The following PCDHA6 variants were observed in gnomAD, a reference collection of about 807,000 sequenced individuals.
The protein encoded by PCDHA6 is protocadherin alpha 6, also known as protocadherin alpha-6.
A neutral mutation model predicts 60.3 loss-of-function variants in PCDHA6; 55 were observed. The ratio of observed to expected loss-of-function variants is 0.91; its 90% CI spans 0.73 to 1.14. The LOEUF (loss-of-function observed/expected upper bound fraction) is 1.14. PCDHA6 is among the 50% of genes most tolerant of loss of function. The pLI is 0.00. For missense variants in PCDHA6, 1,327 were observed against 1,256.5 expected (o/e 1.06, Z -0.85); for synonymous variants, 652 against 557.9 (o/e 1.17, Z -2.38).
intron 1 of PCDHA6, among the ~76,000 whole-genome samples, chr5:140,871,781 T>C (rs2053304252): frequency 6.6e-6 from 1 of 152,238 alleles, no homozygotes. Flanking sequence ...CTGTAGTCAC[T>C]TGAGTAGAAA....
intron 1 of PCDHA6, among the ~76,000 whole-genome samples, chr5:140,888,210 T>C (rs1395913579): frequency 6.6e-6 from 1 of 152,082 alleles, no homozygotes; most frequent in East Asian, 1.9e-4. Flanking sequence ...ATGCTGGATT[T>C]TGTGTGTGTG....
intron 1 of PCDHA6, chr5:140,884,136 G>A (rs371124724): frequency 1.2e-6 from 2 of 1,613,282 alleles, no homozygotes; most frequent in Non-Finnish European, 1.7e-6. Flanking sequence ...ATCCCGTTCC[G>A]CGTGGGGCTG....
chr5:140,843,692 T>C, intron 1 of PCDHA6: 2 of 1,586,786 alleles, frequency 1.3e-6, no homozygotes, highest in South Asian at 2.2e-5. Flanking sequence ...AGAGCAAGAT[T>C]TAAATGTTGA....
At chr5:140,850,178 T>G in intron 1 of PCDHA6, 1 of 1,593,294 alleles carries the variant, frequency 6.3e-7, no homozygotes, top group Non-Finnish European at 8.6e-7. Flanking sequence ...AGAACGACAA[T>G]GCGCCGGCGC....
chr5:140,836,594 C>T (rs2150264886), intron 1 of PCDHA6: 2 of 1,613,766 alleles, frequency 1.2e-6, no homozygotes, highest in African/African-American at 2.7e-5. Context: ...TGGTAAAGCC[C>T]ACTCTGGTGT....
rs2150347815 is a variant in PCDHA6, at chr5:140,842,914, G to A, written c.2394+12429G>A. 19 of 1,594,548 alleles carry A rather than the reference G, an allele frequency of 1.2e-5. 2 individuals carry two copies. The highest frequency in any genetic ancestry group is 1.6e-5 in the Non-Finnish European group (19 of 1,165,450). On this transcript the variant is annotated intron_variant, in intron 1 of 3. Transcript: ENST00000529310. ...TGGACCACGAGGAGCTAGAGCTGCT[G>A]CAGTTCCAGGTGAGCGCGCGCGACG...
intron 3 of PCDHA6, among the ~76,000 whole-genome samples, chr5:141,000,421 A>ATATT (rs1265241806): frequency 1.1e-4 from 3 of 27,978 alleles, no homozygotes; most frequent in Non-Finnish European, 1.7e-4. Flanking sequence ...ATATATATAT[A>ATATT]TTTTTTTTTT....
intron 1 of PCDHA6, chr5:140,870,983 C>A: frequency 6.2e-7 from 1 of 1,613,520 alleles, no homozygotes; most frequent in South Asian, 1.1e-5. Context: ...GGGCTGTACA[C>A]GGGCGAGATA....
Position 140,842,464 on chromosome 5 carries a change from C to T in PCDHA6, c.2394+11979C>T, listed in dbSNP as rs2150336696. On this transcript the variant is annotated intron_variant, in intron 1 of 3. Coordinates refer to ENST00000529310, the MANE Select transcript of PCDHA6 (RefSeq NM_018909.4). ...GCGTGAACGACCTCGATTCAGGTGC[C>T]AACGGGCAGGTGACCTGCTCCCTGA... 1.1e-4 allele frequency: 180 copies of T among 1,613,798 alleles called. 1 individual carries two copies. The highest frequency in any genetic ancestry group is 1.5e-4 in the Non-Finnish European group (172 of 1,179,758).
rs371718634 is a variant in PCDHA6, at chr5:140,884,469, C to G, written c.2394+53984C>G. ...CCGCCCACCGAGGGCGCGTGCGCGCCGGGCAAGCCCACTCTAGTGTGCTCC... is the reference window on the plus strand; with the variant it reads ...CCGCCCACCGAGGGCGCGTGCGCGCGGGGCAAGCCCACTCTAGTGTGCTCC... On this transcript the variant is annotated intron_variant, in intron 1 of 3. Coordinates refer to ENST00000529310, the MANE Select transcript of PCDHA6 (RefSeq NM_018909.4). 7.7e-5 allele frequency: 124 copies of G among 1,613,648 alleles called. 1 individual carries two copies. The highest frequency in any genetic ancestry group is 9.6e-5 in the Non-Finnish European group (113 of 1,179,828).
chr5:140,875,378 T>G, intron 1 of PCDHA6: 1 of 1,458,602 alleles, frequency 6.9e-7, no homozygotes, highest in Non-Finnish European at 9.0e-7. Context: ...TTACTAAATA[T>G]GTACTTACAG....
At chr5:140,962,384 A>G (rs1234630298) in intron 1 of PCDHA6, among the ~76,000 whole-genome samples, 7 of 152,202 alleles carry the variant, frequency 4.6e-5, no homozygotes, top group Non-Finnish European at 8.8e-5. Context: ...ATCTGTTAAT[A>G]TTACGCAATC....
chr5:141,010,446 C>T lies in PCDHA6; in HGVS notation c.*509C>T. The T allele has an allele frequency of 1.1e-6, 1 of 944,708 alleles. No homozygotes were observed. The highest frequency in any genetic ancestry group is 1.5e-6 in the Non-Finnish European group (1 of 656,274). 58.5% of individuals were successfully genotyped at this position (944,708 alleles called of 1,614,324 possible). ...AGGCAAGAAAACAAAGACAAATAAACAGCGGAAGTTATCAGTATGGAGGGG... is the reference window on the plus strand; with the variant it reads ...AGGCAAGAAAACAAAGACAAATAAATAGCGGAAGTTATCAGTATGGAGGGG... On this transcript the variant is annotated 3_prime_UTR_variant, in exon 4 of 4. Coordinates refer to ENST00000529310, the MANE Select transcript of PCDHA6 (RefSeq NM_018909.4).
chr5:140,859,875 T>G (rs1554152798), intron 1 of PCDHA6: 1 of 152,066 alleles, frequency 6.6e-6, no homozygotes, highest in East Asian at 1.9e-4. Flanking sequence ...CTTCCCCCTC[T>G]GATATTTTGA....
chr5:140,868,980 G>T (rs2050777662), intron 1 of PCDHA6: 5 of 1,489,988 alleles, frequency 3.4e-6, no homozygotes, highest in South Asian at 1.4e-5. Context: ...CCATCATACC[G>T]GATGCCACCG....
chr5:140,933,752 A>T (rs1308245960), intron 1 of PCDHA6, among the ~76,000 whole-genome samples: 1 of 152,068 alleles, frequency 6.6e-6, no homozygotes, highest in African/African-American at 2.4e-5. Context: ...AGAATTCACT[A>T]GTGAAGCTCT....
intron 1 of PCDHA6, among the ~76,000 whole-genome samples, chr5:140,942,387 G>A (rs1398449068): frequency 1.3e-5 from 2 of 151,808 alleles, no homozygotes; most frequent in Admixed American, 1.3e-4. Context: ...ATTCCAGCCT[G>A]GGCGACAGAT....
In PCDHA6 at chr5:140,859,254, G is replaced by C. The variant is rs1005222858; in HGVS notation, c.2394+28769G>C. 16 of 131,816 alleles carry C rather than the reference G, an allele frequency of 1.2e-4. 1 individual carries two copies. The highest frequency in any genetic ancestry group is 4.3e-4 in the African/African-American group (16 of 37,090). 8.2% of individuals were successfully genotyped at this position (131,816 alleles called of 1,614,324 possible). A position where few individuals can be genotyped will look rare whatever the true frequency, so the allele number is the denominator to read the frequency against. ...AGTCATGCTTATGTTTAATAATGAA[G>C]AGAATTTGAACACTTTTTACTTTTG... is the stretch of plus-strand genomic sequence containing the variant. On this transcript the variant is annotated intron_variant, in intron 1 of 3. Transcript: ENST00000529310.
intron 1 of PCDHA6, among the ~76,000 whole-genome samples, chr5:140,880,869 G>A (rs1017640769): frequency 2.0e-5 from 3 of 152,064 alleles, no homozygotes; most frequent in Non-Finnish European, 4.4e-5. Context: ...TATGTGAAGA[G>A]GTAAATAAAG....
Sources: allele counts gnomAD v4.1 joint callset (sites outside exome capture counted in the v4.1 genomes callset), GRCh38; gene constraint gnomAD v4.1.1; transcripts MANE v1.5; gene names NCBI Gene and HGNC (gene_info 2026-07-23, HGNC 2026-07-21).